The following FBXL20 variants were observed in gnomAD, a reference collection of about 807,000 sequenced individuals.
The protein encoded by FBXL20 is F-box and leucine rich repeat protein 20, also known as F-box/LRR-repeat protein 20.
Under a neutral mutation model 64.0 loss-of-function variants are expected in FBXL20, and 11 were observed. The ratio of observed to expected loss-of-function variants is 0.17; its 90% confidence interval spans 0.11 to 0.28. FBXL20 has a LOEUF of 0.28. FBXL20 is among the 10% of genes least tolerant of loss of function. FBXL20 has a pLI of 1.00. For synonymous variants in FBXL20, 184 were observed against 189.0 expected, an observed-to-expected ratio of 0.97 and a Z score of 0.22; for missense variants, 303 against 526.2, an observed-to-expected ratio of 0.58 and a Z score of 4.15.
At chr17:39,274,696 C>G (rs1338121742) in intron 10 of FBXL20, among the ~76,000 whole-genome samples, 1 of 152,022 alleles carries the variant, frequency 6.6e-6, no homozygotes, top group Admixed American at 6.6e-5. Flanking sequence ...GAGAAAATAC[C>G]TTTCTTTCTA....
At chr17:39,328,978 C>T (rs1041011928) in intron 2 of FBXL20, among the ~76,000 whole-genome samples, 2 of 152,116 alleles carry the variant, frequency 1.3e-5, no homozygotes, top group African/African-American at 4.8e-5. Flanking sequence ...TGCTTGAGAG[C>T]AGGAGTTCAA....
At chr17:39,286,909 C>CTT (rs35221372) in intron 6 of FBXL20, among the ~76,000 whole-genome samples, 76 of 114,522 alleles carry the variant, frequency 6.6e-4, no homozygotes, top group African/African-American at 1.6e-3. Flanking sequence ...GTATCTATTT[C>CTT]TTTTTTTTTT....
intron 1 of FBXL20, among the ~76,000 whole-genome samples, chr17:39,391,860 A>G (rs1252423861): frequency 2.0e-5 from 3 of 150,948 alleles, no homozygotes; most frequent in Non-Finnish European, 3.0e-5. Flanking sequence ...AAAAAAAAAA[A>G]GGGCTGGGTG....
chr17:39,392,435 C>A (rs2048143225), intron 1 of FBXL20, among the ~76,000 whole-genome samples: 1 of 106,042 alleles, frequency 9.4e-6, no homozygotes, highest in Non-Finnish European at 1.7e-5. Context: ...GTGAGATTGT[C>A]TCCAAAAAAA....
At chr17:39,309,412 G>A (rs2047211283) in intron 2 of FBXL20, among the ~76,000 whole-genome samples, 1 of 152,070 alleles carries the variant, frequency 6.6e-6, no homozygotes, top group South Asian at 2.1e-4. Context: ...TATTTTTGAA[G>A]GATTACTTAA....
chr17:39,323,778 C>CTT (rs375479842), intron 2 of FBXL20, among the ~76,000 whole-genome samples: 46 of 144,558 alleles, frequency 3.2e-4, no homozygotes, highest in Middle Eastern at 7.2e-3. Flanking sequence ...CTTCTGTTTT[C>CTT]TTTTTTTTTT....
intron 2 of FBXL20, among the ~76,000 whole-genome samples, chr17:39,338,229 T>C (rs1404468050): frequency 1.3e-5 from 2 of 152,264 alleles, no homozygotes; most frequent in Non-Finnish European, 2.9e-5. Context: ...TGTTGATCTG[T>C]GACCTTACCC....
intron 6 of FBXL20, among the ~76,000 whole-genome samples, chr17:39,293,705 G>A (rs2086361801): frequency 6.6e-6 from 1 of 151,918 alleles, no homozygotes; most frequent in Non-Finnish European, 1.5e-5. Flanking sequence ...AAATTCTTTG[G>A]CTTATAGTTT....
At chr17:39,384,422 G>C (rs2048057262) in intron 1 of FBXL20, among the ~76,000 whole-genome samples, 1 of 151,706 alleles carries the variant, frequency 6.6e-6, no homozygotes, top group Non-Finnish European at 1.5e-5. Context: ...CTACTCAAGA[G>C]GCTGAGGCAG....
intron 9 of FBXL20, among the ~76,000 whole-genome samples, chr17:39,280,185 G>A (rs886405992): frequency 2.4e-4 from 35 of 147,368 alleles, no homozygotes; most frequent in African/African-American, 8.7e-4. Context: ...GCAGTGAGCC[G>A]AGATCGTGCC....
intron 6 of FBXL20, among the ~76,000 whole-genome samples, chr17:39,288,680 T>C (rs1023861387): frequency 1.3e-5 from 2 of 152,064 alleles, no homozygotes; most frequent in Non-Finnish European, 2.9e-5. Context: ...ACCTTTTTTG[T>C]TTTTTTAAGT....
chr17:39,395,184 G>C (rs1242294343), intron 1 of FBXL20, among the ~76,000 whole-genome samples: 1 of 152,154 alleles, frequency 6.6e-6, no homozygotes, highest in Non-Finnish European at 1.5e-5. Flanking sequence ...CAGCACTTTG[G>C]GAGGCCGAGG....
At chr17:39,313,460 T>C (rs1044279027) in intron 2 of FBXL20, among the ~76,000 whole-genome samples, 35 of 147,764 alleles carry the variant, frequency 2.4e-4, no homozygotes, top group Admixed American at 4.0e-4. Flanking sequence ...CTCAAACTAC[T>C]CACCTCGAGT....
chr17:39,402,074 C>A, upstream of FBXL20: 1 of 1,082,878 alleles, frequency 9.2e-7, no homozygotes, highest in South Asian at 4.7e-5. Flanking sequence ...GAACCTCAGC[C>A]TCTGCCCGCG....
At position 39,261,703 on chromosome 17, in the gene FBXL20, G is replaced by A. The variant is rs889902142; in HGVS notation, c.1204-136C>T. 9.5e-6 allele frequency: 6 copies of A among 629,660 alleles called. No homozygotes were observed. The Admixed American group carries it at 1.8e-4, about 18-fold the overall frequency. The allele number at this position is 629,660 out of a possible 1,614,324, so 39.0% of individuals were successfully genotyped here. ...AGGCTGAGCACTGGTCAGGATGTTA[G>A]AGGGCCTGGGTTCTACTTTGTTCCA... On this transcript the variant is annotated intron_variant, in intron 14 of 14. Coordinates refer to ENST00000264658, the MANE Select transcript of FBXL20 (RefSeq NM_032875.3).
At chr17:39,402,173 T>G (rs2048254636), upstream of FBXL20, 1 of 1,232,680 alleles carries the variant, frequency 8.1e-7, no homozygotes, top group Non-Finnish European at 1.0e-6. Context: ...TGTCACTCAC[T>G]GTCGCCTTGA....
chr17:39,304,482 G>GT (rs1311814767), intron 2 of FBXL20, among the ~76,000 whole-genome samples: 14 of 152,012 alleles, frequency 9.2e-5, no homozygotes, highest in African/African-American at 3.4e-4. Flanking sequence ...AGAGATGAGG[G>GT]TCTCCCTATG....
intron 1 of FBXL20, among the ~76,000 whole-genome samples, chr17:39,366,745 T>C (rs1308179633): frequency 6.6e-6 from 1 of 152,218 alleles, no homozygotes; most frequent in African/African-American, 2.4e-5. Flanking sequence ...CTGTGATATA[T>C]AATGCCATTC....
At chr17:39,359,571 C>T (rs1279196594) in intron 1 of FBXL20, among the ~76,000 whole-genome samples, 1 of 152,018 alleles carries the variant, frequency 6.6e-6, no homozygotes, top group Admixed American at 6.6e-5. Flanking sequence ...CAACTGCACT[C>T]CGGCCTGGGC....
Sources: gnomAD v4.1 joint callset for allele counts (sites outside exome capture counted in the v4.1 genomes callset) on GRCh38, gnomAD v4.1.1 for gene constraint, MANE v1.5 for transcripts, NCBI Gene and HGNC (gene_info 2026-07-23, HGNC 2026-07-21) for gene names.